The following CUL3 variants were observed in gnomAD, a reference collection of about 807,000 sequenced individuals.
The protein encoded by CUL3 is cullin 3, also known as cullin-3.
A neutral mutation model predicts 89.1 loss-of-function variants in CUL3; 19 were observed. The observed-to-expected ratio is 0.21, with a 90% CI of 0.15 to 0.31. The LOEUF (loss-of-function observed/expected upper bound fraction) is 0.31, where lower values mean the gene tolerates loss of function less well. CUL3 is among the 10% of genes least tolerant of loss of function. The pLI, the probability that CUL3 is intolerant of heterozygous loss-of-function variation, is 1.00. For missense variants in CUL3, 469 were observed against 942.3 expected (o/e 0.50, Z 6.58); for synonymous variants, 351 against 308.4 (o/e 1.14, Z -1.45).
At chr2:224,535,381 G>A in intron 3 of CUL3, 147 bp downstream of exon 3, 1 of 492,572 alleles carries the variant, frequency 2.0e-6, no homozygotes, top group Non-Finnish European at 3.6e-6. Context: ...CGCTGGCCAG[G>A]CTGGTCTCAA....
intron 2 of CUL3, among the ~76,000 whole-genome samples, chr2:224,541,890 G>A (rs1694121237): frequency 6.6e-6 from 1 of 152,040 alleles, no homozygotes; most frequent in Non-Finnish European, 1.5e-5. Context: ...TGGTTGTCAG[G>A]AACTAGGGGT....
chr2:224,559,258 T>C (rs1198911514), intron 1 of CUL3, among the ~76,000 whole-genome samples: 1 of 151,882 alleles, frequency 6.6e-6, no homozygotes, highest in African/African-American at 2.4e-5. Flanking sequence ...GAGACCAGCC[T>C]GGGCAATACA....
intron 1 of CUL3, among the ~76,000 whole-genome samples, chr2:224,565,828 CT>C (rs1434094593): frequency 6.6e-5 from 10 of 152,228 alleles, no homozygotes; most frequent in African/African-American, 2.4e-4. Flanking sequence ...CTGACTGGCT[CT>C]GTTGTAAATC....
At chr2:224,525,510 G>T (rs973771831) in intron 3 of CUL3, among the ~76,000 whole-genome samples, 1 of 152,012 alleles carries the variant, frequency 6.6e-6, no homozygotes, top group South Asian at 2.1e-4. Flanking sequence ...AATGATATCT[G>T]TTGTTATGTA....
intron 1 of CUL3, among the ~76,000 whole-genome samples, chr2:224,567,017 T>A (rs988874598): frequency 6.6e-6 from 1 of 152,166 alleles, no homozygotes; most frequent in African/African-American, 2.4e-5. Flanking sequence ...TCTTGTAACG[T>A]CATGACTTTT....
At chr2:224,551,336 G>A (rs551756101) in intron 2 of CUL3, among the ~76,000 whole-genome samples, 9 of 151,660 alleles carry the variant, frequency 5.9e-5, no homozygotes, top group African/African-American at 2.2e-4. Context: ...CTCCTGTGTA[G>A]CTGGGACTAC....
chr2:224,549,892 G>A (rs980526661), intron 2 of CUL3, among the ~76,000 whole-genome samples: 2 of 151,078 alleles, frequency 1.3e-5, no homozygotes, highest in East Asian at 1.9e-4. Flanking sequence ...ACACACACAC[G>A]CAAAATGGCT....
At chr2:224,577,441 C>T (rs1256027933) in intron 1 of CUL3, among the ~76,000 whole-genome samples, 1 of 152,036 alleles carries the variant, frequency 6.6e-6, no homozygotes, top group East Asian at 1.9e-4. Context: ...TGGTGGCAGG[C>T]ACCTGTAGTC....
chr2:224,470,626 A>C lies in CUL3; in HGVS notation c.*3619T>G. ...GCCTATCTGTGGTACCCACTTAAGT[A>C]TGTAAAACTTTCTCTAAGATTGTAG... On this transcript the variant is annotated 3_prime_UTR_variant, in exon 16 of 16. Coordinates refer to ENST00000264414, the MANE Select transcript of CUL3 (RefSeq NM_003590.5). 1 of 231,890 alleles carries C rather than the reference A, an allele frequency of 4.3e-6. No homozygotes were observed. Among genetic ancestry groups the C allele is most frequent in the Non-Finnish European group, 8.5e-6 (1 of 117,250 alleles). The allele number at this position is 231,890 out of a possible 1,614,324, so 14.4% of individuals were successfully genotyped here. A position where few individuals can be genotyped will look rare whatever the true frequency, so the allele number is the denominator to read the frequency against.
intron 1 of CUL3, among the ~76,000 whole-genome samples, chr2:224,573,540 G>A (rs1559240802): frequency 1.3e-5 from 2 of 152,158 alleles, no homozygotes; most frequent in South Asian, 2.1e-4. Context: ...GCTTACGAAG[G>A]AAGCTTACGA....
At chr2:224,506,501 T>G (rs1692606842) in intron 7 of CUL3, among the ~76,000 whole-genome samples, 1 of 152,178 alleles carries the variant, frequency 6.6e-6, no homozygotes, top group South Asian at 2.1e-4. Flanking sequence ...TTCATAGTAC[T>G]CCTTGAAAAC....
intron 4 of CUL3, 130 bp from the exon 5 acceptor site, chr2:224,513,768 G>A (rs1268992674): frequency 1.8e-5 from 11 of 602,514 alleles, no homozygotes; most frequent in African/African-American, 1.4e-4. Context: ...ATCTCCAATA[G>A]GCCACTCATG....
chr2:224,516,848 T>C (rs1359681551), intron 3 of CUL3, among the ~76,000 whole-genome samples: 3 of 151,970 alleles, frequency 2.0e-5, no homozygotes, highest in Non-Finnish European at 2.9e-5. Context: ...GGTTTCACCA[T>C]GTGGGCCAGG....
intron 2 of CUL3, among the ~76,000 whole-genome samples, chr2:224,557,221 T>G (rs1203231134): frequency 6.6e-6 from 1 of 152,120 alleles, no homozygotes; most frequent in Non-Finnish European, 1.5e-5. Context: ...AAAATTCAAA[T>G]GTACCACAGA....
At chr2:224,579,682 T>C (rs1040013984) in intron 1 of CUL3, among the ~76,000 whole-genome samples, 1 of 152,188 alleles carries the variant, frequency 6.6e-6, no homozygotes, top group Non-Finnish European at 1.5e-5. Flanking sequence ...CATTTTATCA[T>C]AACACTCTTT....
chr2:224,528,344 G>A (rs917689052), intron 3 of CUL3, among the ~76,000 whole-genome samples: 1 of 151,972 alleles, frequency 6.6e-6, no homozygotes, highest in African/African-American at 2.4e-5. Context: ...CAATCATATC[G>A]CCTTTTTTCT....
chr2:224,584,184 T>G (rs77896546), intron 1 of CUL3, among the ~76,000 whole-genome samples: 1 of 152,232 alleles, frequency 6.6e-6, no homozygotes, highest in Admixed American at 6.5e-5. Flanking sequence ...CTGAAAGCGA[T>G]GAAACAAAGC....
chr2:224,481,364 T>C (rs1481502604), intron 14 of CUL3, among the ~76,000 whole-genome samples: 7 of 151,098 alleles, frequency 4.6e-5, no homozygotes, highest in Admixed American at 6.6e-5. Context: ...AAATGTTTAA[T>C]GAATAGAATT....
At chr2:224,501,483 A>G (rs1354537789) in intron 10 of CUL3, among the ~76,000 whole-genome samples, 3 of 152,252 alleles carry the variant, frequency 2.0e-5, no homozygotes, top group African/African-American at 7.2e-5. Context: ...TATTATTTCT[A>G]TTATTGATAT....
Sources: allele counts gnomAD v4.1 joint callset (sites outside exome capture counted in the v4.1 genomes callset), GRCh38; gene constraint gnomAD v4.1.1; transcripts MANE v1.5; gene names NCBI Gene and HGNC (gene_info 2026-07-23, HGNC 2026-07-21).